The following EFHC2 variants were observed in gnomAD, a reference collection of about 807,000 sequenced individuals.
The protein encoded by EFHC2 is EF-hand domain-containing family member C2.
In EFHC2, 18 loss-of-function variants were observed where a neutral mutation model predicts 52.7. The ratio of observed to expected loss-of-function variants is 0.34; its 90% CI spans 0.24 to 0.51. EFHC2 has a LOEUF of 0.51. Ranked by LOEUF, EFHC2 falls within the 20% of genes least tolerant of loss-of-function variation. The pLI is 0.97. For missense variants in EFHC2, 513 were observed against 562.5 expected, an observed-to-expected ratio of 0.91 and a Z score of 0.89; for synonymous variants, 203 against 204.1, an observed-to-expected ratio of 0.99 and a Z score of 0.04.
intron 4 of EFHC2, among the ~76,000 whole-genome samples, chrX:44,260,239 T>G (rs765231876): frequency 9.0e-6 from 1 of 111,326 alleles, no homozygotes; most frequent in South Asian, 3.8e-4. Flanking sequence ...CTCATCCAAC[T>G]GTACACTTAA....
chrX:44,274,295 A>G (rs2037638903), intron 2 of EFHC2, among the ~76,000 whole-genome samples: 1 of 111,793 alleles, frequency 8.9e-6, no homozygotes, highest in Admixed American at 9.5e-5. Flanking sequence ...GTCTGGCCTG[A>G]CTCCAATTAG....
intron 4 of EFHC2, among the ~76,000 whole-genome samples, chrX:44,259,410 T>G (rs1330418359): frequency 1.1e-4 from 12 of 108,767 alleles, no homozygotes; most frequent in Admixed American, 2.0e-4. Flanking sequence ...GGTGGGGGGA[T>G]AGGGGAGGGA....
intron 2 of EFHC2, among the ~76,000 whole-genome samples, chrX:44,288,427 A>C (rs944349150): frequency 8.1e-5 from 9 of 110,838 alleles, no homozygotes; most frequent in Middle Eastern, 4.7e-3. Context: ...TAAAAAAAAA[A>C]ACACACAAAG....
At chrX:44,226,642 T>C (rs1411157738) in intron 11 of EFHC2, among the ~76,000 whole-genome samples, 1 of 110,626 alleles carries the variant, frequency 9.0e-6, no homozygotes, top group Non-Finnish European at 1.9e-5. Context: ...ATGGACACAA[T>C]CAGCCTACAG....
intron 8 of EFHC2, among the ~76,000 whole-genome samples, chrX:44,237,186 T>G (rs1037298475): frequency 9.0e-6 from 1 of 111,325 alleles, no homozygotes; most frequent in African/African-American, 3.3e-5. Context: ...ATGGGGGGAT[T>G]CAGTAGTTAG....
intron 2 of EFHC2, chrX:44,310,024 T>G (rs1602210638): frequency 1.3e-5 from 12 of 948,402 alleles, no homozygotes; most frequent in Middle Eastern, 3.8e-4. Flanking sequence ...ATCTGAACTA[T>G]TTGGCTAAAT....
At chrX:44,157,442 G>C (rs2036615935) in intron 14 of EFHC2, among the ~76,000 whole-genome samples, 1 of 111,069 alleles carries the variant, frequency 9.0e-6, no homozygotes, top group Non-Finnish European at 1.9e-5. Context: ...CTGGGAGACT[G>C]ACTCTGTGGA....
intron 1 of EFHC2, among the ~76,000 whole-genome samples, chrX:44,319,078 A>ACTGCAACCTCCACCTCC (rs1175610745): frequency 5.8e-5 from 6 of 103,069 alleles, no homozygotes; most frequent in African/African-American, 1.8e-4. Flanking sequence ...ATCCCAGCTC[A>ACTGCAACCTCCACCTCC]CTGCAACCTC....
chrX:44,324,800 G>A (rs2038042446), intron 1 of EFHC2, among the ~76,000 whole-genome samples: 1 of 112,216 alleles, frequency 8.9e-6, no homozygotes, highest in Admixed American at 9.5e-5. Flanking sequence ...CAACCAAGTT[G>A]CAGCTAAATT....
chrX:44,307,255 CTTTAT>C (rs1468234375), intron 2 of EFHC2, among the ~76,000 whole-genome samples: 1 of 111,684 alleles, frequency 9.0e-6, no homozygotes, highest in African/African-American at 3.3e-5. Context: ...AAAGAACTGT[CTTTAT>C]TTTTACTTTG....
At chrX:44,227,943 A>G (rs2037245577) in intron 11 of EFHC2, among the ~76,000 whole-genome samples, 1 of 111,438 alleles carries the variant, frequency 9.0e-6, no homozygotes, top group Admixed American at 9.5e-5. Context: ...TGTTTGAGAA[A>G]CCGAAAGACA....
intron 7 of EFHC2, among the ~76,000 whole-genome samples, chrX:44,242,792 A>T (rs1010622947): frequency 2.7e-5 from 3 of 110,402 alleles, no homozygotes; most frequent in Middle Eastern, 4.2e-3. Context: ...GTATTTGAGT[A>T]CCCTCCATTG....
At chrX:44,270,260 A>G (rs1006476658) in intron 3 of EFHC2, among the ~76,000 whole-genome samples, 2 of 111,630 alleles carry the variant, frequency 1.8e-5, no homozygotes, top group Non-Finnish European at 3.8e-5. Context: ...TATTCCAACC[A>G]CCAGACACAA....
At chrX:44,191,061 A>G (rs2036915787) in intron 11 of EFHC2, among the ~76,000 whole-genome samples, 1 of 111,842 alleles carries the variant, frequency 8.9e-6, no homozygotes, top group South Asian at 3.7e-4. Flanking sequence ...ATGGGACAAA[A>G]GCGCTCAGCA....
intron 14 of EFHC2, among the ~76,000 whole-genome samples, chrX:44,163,171 C>T (rs2036670474): frequency 8.9e-6 from 1 of 112,214 alleles, no homozygotes; most frequent in African/African-American, 3.2e-5. Context: ...ACTAGACCAG[C>T]TCCAGCCAGA....
intron 11 of EFHC2, among the ~76,000 whole-genome samples, chrX:44,192,203 G>T (rs986863934): frequency 1.8e-5 from 2 of 110,474 alleles, no homozygotes; most frequent in Non-Finnish European, 3.8e-5. Flanking sequence ...AGTTATTAAG[G>T]TAATATATTA....
intron 2 of EFHC2, among the ~76,000 whole-genome samples, chrX:44,291,543 G>A (rs2037792482): frequency 8.9e-6 from 1 of 112,076 alleles, no homozygotes; most frequent in East Asian, 2.8e-4. Flanking sequence ...AGTTTTACTT[G>A]TCTGCATAAG....
Position 44,229,666 on chromosome X carries a change from C to A in EFHC2, c.1734G>T (p.Val578=), listed in dbSNP as rs769163668. Reference sequence around the variant, plus strand: ...TGGCTTACCTGAATGTATTATAATCCACCATATTTGTGTGCTTAGAGTCAG... The same window carrying A: ...TGGCTTACCTGAATGTATTATAATCAACCATATTTGTGTGCTTAGAGTCAG... ...KAADSKHTNM[V]DYNTFRDILM... Residue 578 remains valine (V), a synonymous_variant, in exon 11 of 15, where the codon GTG becomes GTT. Transcript: ENST00000420999. 1.5e-5 allele frequency: 18 copies of A among 1,208,814 alleles called. No individual in the cohort carries two copies. Among genetic ancestry groups the A allele is most frequent in the Non-Finnish European group, 1.9e-5 (17 of 894,746 alleles).
At chrX:44,293,587 G>A (rs961398275) in intron 2 of EFHC2, among the ~76,000 whole-genome samples, 15 of 111,827 alleles carry the variant, frequency 1.3e-4, no homozygotes, top group Non-Finnish European at 2.1e-4. Context: ...CGTGTTCACT[G>A]TGATACTGAT....
Sources: allele counts gnomAD v4.1 joint callset (sites outside exome capture counted in the v4.1 genomes callset), GRCh38; gene constraint gnomAD v4.1.1; transcripts MANE v1.5; gene names NCBI Gene and HGNC (gene_info 2026-07-23, HGNC 2026-07-21).